The following LRRIQ1 variants were observed in gnomAD, a reference collection of about 807,000 sequenced individuals.
The protein encoded by LRRIQ1 is leucine-rich repeat- and IQ domain-containing protein 1.
A neutral mutation model predicts 211.9 loss-of-function variants in LRRIQ1; 210 were observed. The ratio of observed to expected loss-of-function variants is 0.99; its 90% CI spans 0.89 to 1.11. The LOEUF is 1.11. Among genes scored for constraint, LRRIQ1 ranks in the 50% most tolerant of loss-of-function variants. LRRIQ1 has a pLI of 0.00. For synonymous variants in LRRIQ1, 699 were observed against 650.1 expected (o/e 1.08, Z -1.14); for missense variants, 2,136 against 1,939.5 (o/e 1.10, Z -1.90).
At chr12:85,243,315 T>TATC (rs1363945154) in intron 26 of LRRIQ1, among the ~76,000 whole-genome samples, 1 of 88,486 alleles carries the variant, frequency 1.1e-5, no homozygotes, top group Admixed American at 9.0e-5. Flanking sequence ...GTATAACTTT[T>TATC]ATTATTATTA....
chr12:85,036,748 C>CTTT (rs5799718), intron 1 of LRRIQ1, among the ~76,000 whole-genome samples: 22 of 148,122 alleles, frequency 1.5e-4, no homozygotes, highest in Middle Eastern at 3.4e-3. Context: ...CTCTTTCTTT[C>CTTT]TTTTTTTTTT....
intron 17 of LRRIQ1, chr12:85,124,729 A>G (rs1427756846): frequency 6.3e-6 from 3 of 477,752 alleles, no homozygotes; most frequent in Non-Finnish European, 1.1e-5. Flanking sequence ...TTAAATTCTC[A>G]TTTAATTTCT....
intron 1 of LRRIQ1, among the ~76,000 whole-genome samples, chr12:85,037,805 C>A (rs1878338099): frequency 6.6e-6 from 1 of 152,118 alleles, no homozygotes; most frequent in South Asian, 2.1e-4. Flanking sequence ...AGAACATTAA[C>A]AACAACACAT....
Position 85,124,498 on chromosome 12 carries a change from A to C in LRRIQ1, c.3986A>C (p.Asn1329Thr). 1.2e-6 allele frequency: 2 copies of C among 1,612,034 alleles called. No homozygotes were observed. Among genetic ancestry groups the C allele is most frequent in the Non-Finnish European group, 8.5e-7 (1 of 1,179,470 alleles). ...AATTCTTTGCTGAGGAATCACCAAA[A>C]TATTGAGCCTAGTGAAAAAATGTAA... ...MTNSLLRNHQ[N>T]IEPSEKIMAA... Residue 1329 changes from asparagine (N) to threonine (T), a missense_variant, in exon 17 of 27, where the codon AAT becomes ACT. By Grantham distance (65) the Asn-to-Thr change is moderately conservative. Transcript: ENST00000393217.
intron 26 of LRRIQ1, among the ~76,000 whole-genome samples, chr12:85,233,763 A>T (rs1895057277): frequency 6.6e-6 from 1 of 152,172 alleles, no homozygotes; most frequent in Admixed American, 6.6e-5. Context: ...CTTGCATTTT[A>T]ATAGAGACCT....
intron 26 of LRRIQ1, among the ~76,000 whole-genome samples, chr12:85,233,447 C>CACCTG (rs2137207844): frequency 6.6e-6 from 1 of 152,172 alleles, no homozygotes; most frequent in East Asian, 1.9e-4. Context: ...AAAATGGATG[C>CACCTG]ATCAGGTGAC....
chr12:85,122,968 G>T (rs1888095357), intron 16 of LRRIQ1, among the ~76,000 whole-genome samples: 1 of 151,808 alleles, frequency 6.6e-6, no homozygotes. Flanking sequence ...CATTGAAAAT[G>T]GAAAGACTAT....
intron 24 of LRRIQ1, among the ~76,000 whole-genome samples, chr12:85,184,302 G>C (rs994867239): frequency 2.6e-5 from 4 of 151,924 alleles, no homozygotes; most frequent in Non-Finnish European, 4.4e-5. Context: ...TTAACTTGCA[G>C]TGCAATTCCT....
At chr12:85,125,768 T>C (rs763691567) in intron 17 of LRRIQ1, among the ~76,000 whole-genome samples, 5 of 152,238 alleles carry the variant, frequency 3.3e-5, no homozygotes, top group Admixed American at 6.5e-5. Flanking sequence ...TGGTTGCCTT[T>C]GCTCCAAACA....
chr12:85,228,531 G>A (rs1894780270), intron 24 of LRRIQ1, among the ~76,000 whole-genome samples: 1 of 152,126 alleles, frequency 6.6e-6, no homozygotes, highest in Non-Finnish European at 1.5e-5. Flanking sequence ...AAAGCATCCA[G>A]ATTTTACGCT....
At chr12:85,198,872 T>G (rs1013614394) in intron 24 of LRRIQ1, among the ~76,000 whole-genome samples, 1 of 152,016 alleles carries the variant, frequency 6.6e-6, no homozygotes, top group Admixed American at 6.6e-5. Context: ...CCGGCCGATG[T>G]TAAGCATTTT....
intron 5 of LRRIQ1, 24 bp downstream of exon 5, chr12:85,046,161 T>A (rs1425217331): frequency 4.4e-6 from 6 of 1,353,662 alleles, no homozygotes; most frequent in Non-Finnish European, 5.2e-6. Context: ...CTCAATGATA[T>A]GTTTGTTGAT....
Position 85,136,670 on chromosome 12 carries a change from A to G in LRRIQ1, c.4210-1180A>G, listed in dbSNP as rs563560291. On this transcript the variant is annotated intron_variant, in intron 18 of 26. Coordinates refer to ENST00000393217, the MANE Select transcript of LRRIQ1 (RefSeq NM_001079910.2). Reference sequence around the variant, plus strand: ...CATAGAGGGTTTCACCATTTTGTATATTTCACTTTGCTCTCTCTCTCTTTC... The same window carrying G: ...CATAGAGGGTTTCACCATTTTGTATGTTTCACTTTGCTCTCTCTCTCTTTC... Among the ~76,000 whole-genome samples, 140 of 147,348 alleles carry G rather than the reference A, an allele frequency of 9.5e-4. 1 individual carries two copies. Among genetic ancestry groups the G allele is most frequent in the South Asian group, 4.6e-3 (21 of 4,606 alleles).
chr12:85,102,949 A>ATATATATATATATATATAT (rs1565834028), intron 13 of LRRIQ1, among the ~76,000 whole-genome samples: 1 of 106,248 alleles, frequency 9.4e-6, no homozygotes, highest in East Asian at 3.9e-4. Context: ...TGTGGCAAAA[A>ATATATATATATATATATAT]AAAAAAAAAA....
intron 11 of LRRIQ1, among the ~76,000 whole-genome samples, chr12:85,074,648 T>C (rs564891556): frequency 2.2e-4 from 34 of 152,162 alleles, no homozygotes; most frequent in African/African-American, 7.9e-4. Context: ...CTCTATTTTA[T>C]GACCAATTTT....
intron 24 of LRRIQ1, among the ~76,000 whole-genome samples, chr12:85,194,195 G>T (rs1892759602): frequency 8.4e-6 from 1 of 119,120 alleles, no homozygotes. Context: ...GACCTACAAA[G>T]AGACTTAGAC....
rs144145888 is a variant in LRRIQ1, at chr12:85,070,305, C to A, written c.2696-2602C>A. Among the ~76,000 whole-genome samples, 402 of 152,022 alleles carry A rather than the reference C, an allele frequency of 2.6e-3. 4 individuals are homozygous for A. The highest frequency in any genetic ancestry group is 9.5e-3 in the African/African-American group (394 of 41,532). On this transcript the variant is annotated intron_variant, in intron 10 of 26. Coordinates refer to ENST00000393217, the MANE Select transcript of LRRIQ1 (RefSeq NM_001079910.2). ...ATAGCCTAAACGCTCCATTATAAAG[C>A]TCGCCATCAACCTTTCATCTAATGT...
At chr12:85,261,541 CA>C (rs1896286347) in intron 1 of LRRIQ1, among the ~76,000 whole-genome samples, 1 of 151,338 alleles carries the variant, frequency 6.6e-6, no homozygotes, top group African/African-American at 2.4e-5. Context: ...GTATTAATCT[CA>C]AAAAACATTC....
chr12:85,070,020 T>G (rs192107317), intron 10 of LRRIQ1, among the ~76,000 whole-genome samples: 18 of 152,234 alleles, frequency 1.2e-4, no homozygotes, highest in African/African-American at 4.1e-4. Flanking sequence ...TGCCCATGCC[T>G]ATGTCCTGAA....
Sources: gnomAD v4.1 joint callset for allele counts (sites outside exome capture counted in the v4.1 genomes callset) on GRCh38, gnomAD v4.1.1 for gene constraint, MANE v1.5 for transcripts, NCBI Gene and HGNC (gene_info 2026-07-23, HGNC 2026-07-21) for gene names.